The following RYR1 variants were observed in gnomAD, a reference collection of about 807,000 sequenced individuals.
RYR1 encodes the protein ryanodine receptor 1.
Under a neutral mutation model 583.5 loss-of-function variants are expected in RYR1, and 342 were observed. That is an observed-to-expected ratio of 0.59 (90% confidence interval 0.54 to 0.64). The LOEUF (loss-of-function observed/expected upper bound fraction) is 0.64. RYR1 is among the 30% of genes least tolerant of loss of function. The pLI is 0.00. For synonymous variants in RYR1, 2,791 were observed against 2,822.5 expected, an observed-to-expected ratio of 0.99 and a Z score of 0.35; for missense variants, 6,032 against 6,917.2, an observed-to-expected ratio of 0.87 and a Z score of 4.54.
Position 38,483,504 on chromosome 19 carries a change from C to T in RYR1, c.4922C>T (p.Pro1641Leu). The change falls in exon 33 of 106, where the codon CCC becomes CTC. Residue 1641 changes from proline to leucine, a missense_variant. Physicochemically the swap from Pro to Leu is moderately conservative, Grantham distance 98. Around this residue, in one of 11 missense-constraint regions of RYR1, gnomAD observed 2,627 missense variants for 2,961.3 expected, o/e 0.89. Coordinates refer to ENST00000359596, the MANE Select transcript of RYR1 (RefSeq NM_000540.3). This position sits in a 1 kb window ranked among gnomAD's most constrained non-coding sequence, Gnocchi z 6.3. Reference sequence around the variant, plus strand: ...CTGACCATGATGGCGCTGCACATCCCCGAGGAGAACCGGTCAGGGCCAGCC... The same window carrying T: ...CTGACCATGATGGCGCTGCACATCCTCGAGGAGAACCGGTCAGGGCCAGCC... ...EPLTMMALHI[P>L]EENRCMDILE... is the part of the protein sequence containing the mutation. The T allele has an allele frequency of 6.5e-7, 1 of 1,548,984 alleles. No individual in the cohort carries two copies. Among genetic ancestry groups the T allele is most frequent in the Non-Finnish European group, 8.7e-7 (1 of 1,151,086 alleles).
intron 16 of RYR1, among the ~76,000 whole-genome samples, chr19:38,456,860 T>C (rs1161299929): frequency 4.6e-5 from 7 of 150,730 alleles, no homozygotes; most frequent in African/African-American, 4.9e-5. Flanking sequence ...TCCTGGCTAA[T>C]GCGGTGAAAC....
chr19:38,563,154 G>A (rs368596209), intron 90 of RYR1, among the ~76,000 whole-genome samples: 1 of 152,104 alleles, frequency 6.6e-6, no homozygotes. Context: ...CCAAACACCC[G>A]CTTCCTTCTG....
At chr19:38,501,105 A>G (rs1360146473) in intron 47 of RYR1, 115 bp downstream of exon 47, 3 of 923,472 alleles carry the variant, frequency 3.2e-6, no homozygotes, top group Admixed American at 2.0e-5. Context: ...TGGACATATC[A>G]TAATCCCCAA....
intron 37 of RYR1, among the ~76,000 whole-genome samples, chr19:38,490,997 T>A (rs1368450466): frequency 6.6e-6 from 1 of 152,200 alleles, no homozygotes; most frequent in African/African-American, 2.4e-5. Context: ...AAAAAATGGC[T>A]GGCTGGATAG....
chr19:38,455,227 C>G lies in RYR1; in HGVS notation c.1441-8C>G. On this transcript the variant is annotated splice_region_variant and splice_polypyrimidine_tract_variant and intron_variant, in intron 13 of 105. Coordinates refer to ENST00000359596, the MANE Select transcript of RYR1 (RefSeq NM_000540.3). ...CTATTGTGATGCCTCTTATTTTCCTCATCCTAGGGGATGCTCTCCATGGTC... is the reference window on the plus strand; with the variant it reads ...CTATTGTGATGCCTCTTATTTTCCTGATCCTAGGGGATGCTCTCCATGGTC... The G allele has an allele frequency of 6.2e-7, 1 of 1,614,024 alleles. No individual in the cohort carries two copies. Among genetic ancestry groups the G allele is most frequent in the Non-Finnish European group, 8.5e-7 (1 of 1,179,938 alleles).
At chr19:38,529,585 G>A (rs918155903) in intron 76 of RYR1, among the ~76,000 whole-genome samples, 5 of 152,184 alleles carry the variant, frequency 3.3e-5, no homozygotes, top group African/African-American at 7.2e-5. Context: ...TGAGGGGTTC[G>A]TATCACAGAC....
At position 38,502,606 on chromosome 19, in the gene RYR1, A is replaced by G; in HGVS notation, c.7714A>G (p.Thr2572Ala). 3 of 1,612,686 alleles carry G rather than the reference A, an allele frequency of 1.9e-6. No homozygotes were observed. The South Asian group carries it at 3.3e-5, about 18-fold the overall frequency. ...CAAGTGTGCGCCGCTCTTTGCGGGC[A>G]CAGAACACCGCGCCATCATGGTGGA... ...ITKCAPLFAG[T>A]EHRAIMVDSM... The change falls in exon 48 of 106, where the codon ACA becomes GCA. Residue 2572 changes from threonine to alanine, a missense_variant. Around this residue, in one of 11 missense-constraint regions of RYR1, gnomAD observed 250 missense variants for 162.3 expected, o/e 1.54. Coordinates refer to ENST00000359596, the MANE Select transcript of RYR1 (RefSeq NM_000540.3).
intron 1 of RYR1, among the ~76,000 whole-genome samples, chr19:38,436,492 A>T (rs892474230): frequency 6.6e-6 from 1 of 152,168 alleles, no homozygotes; most frequent in Non-Finnish European, 1.5e-5. Context: ...TACAGGCATA[A>T]GCCACCATGC....
chr19:38,470,060 G>A (rs547986144), intron 27 of RYR1, among the ~76,000 whole-genome samples: 133 of 152,132 alleles, frequency 8.7e-4, no homozygotes, highest in Non-Finnish European at 1.3e-3. Context: ...CAGCTACTTA[G>A]GGGGCTGAGG....
At chr19:38,530,934 C>T (rs12459749) in intron 76 of RYR1, among the ~76,000 whole-genome samples, 3,431 of 151,592 alleles carry the variant, frequency 0.023, 95 homozygotes, top group Admixed American at 0.073. Context: ...TTCCGAGTAG[C>T]TGGGATTACA....
At chr19:38,478,844 T>C (rs1017642825) in intron 31 of RYR1, among the ~76,000 whole-genome samples, 1 of 152,230 alleles carries the variant, frequency 6.6e-6, no homozygotes, top group Non-Finnish European at 1.5e-5. Context: ...CTTGGCTCAC[T>C]GCAACCTTCG....
chr19:38,457,975 C>T, intron 17 of RYR1, 76 bp from the exon 18 acceptor site: 4 of 1,486,256 alleles, frequency 2.7e-6, no homozygotes, highest in Non-Finnish European at 3.7e-6. Flanking sequence ...ATGTCTGTCT[C>T]TCTCTGGCTT....
intron 93 of RYR1, among the ~76,000 whole-genome samples, chr19:38,569,498 T>G (rs1430540315): frequency 6.6e-6 from 1 of 151,188 alleles, no homozygotes; most frequent in Non-Finnish European, 1.5e-5. Flanking sequence ...GAGGCAGCAG[T>G]GAGCTATGGT....
chr19:38,485,614 G>T lies in RYR1; in HGVS notation c.4959G>T (p.Ser1653=), dbSNP rs746913426. The change falls in exon 34 of 106, where the codon TCG becomes TCT. Residue 1653 remains serine, a synonymous_variant. Coordinates refer to ENST00000359596, the MANE Select transcript of RYR1 (RefSeq NM_000540.3). ...GGTGCATGGACATCCTGGAGCTGTC[G>T]GAGCGCCTGGACCTGCAGCGCTTCC... The part of the protein sequence containing the change: ...ENRCMDILEL[S]ERLDLQRFHS... 6.2e-7 allele frequency: 1 copy of T among 1,609,672 alleles called. No homozygotes were observed.
intron 72 of RYR1, 48 bp downstream of exon 72, chr19:38,527,100 C>G: frequency 6.3e-7 from 1 of 1,592,236 alleles, no homozygotes; most frequent in Non-Finnish European, 8.6e-7. Flanking sequence ...AGAAAGTAAC[C>G]ACAATATTAG....
intron 42 of RYR1, among the ~76,000 whole-genome samples, chr19:38,497,169 T>C (rs918415461): frequency 6.6e-6 from 1 of 152,128 alleles, no homozygotes; most frequent in Admixed American, 6.5e-5. Context: ...CACTCCACGC[T>C]TCCCGTCTGG....
intron 25 of RYR1, 88 bp downstream of exon 25, chr19:38,467,900 A>G: frequency 7.8e-7 from 1 of 1,281,160 alleles, no homozygotes; most frequent in South Asian, 1.3e-5. Flanking sequence ...TCTGTGCCTC[A>G]CTCTGTCCCC....
chr19:38,514,928 C>T lies in RYR1; in HGVS notation c.9473-98C>T, dbSNP rs990228390. 97 of 793,894 alleles carry T rather than the reference C, an allele frequency of 1.2e-4. 1 individual carries two copies. In the Middle Eastern group the frequency reaches 1.3e-3, roughly 11 times the overall value. 49.2% of individuals were successfully genotyped at this position (793,894 alleles called of 1,614,324 possible). ...AAGGCTGGCTGTACATCTGCTTGCT[C>T]TTCCCCACTGCATGGGCCTATTTGA... On this transcript the variant is annotated intron_variant, in intron 63 of 105. Coordinates refer to ENST00000359596, the MANE Select transcript of RYR1 (RefSeq NM_000540.3).
Position 38,528,342 on chromosome 19 carries a change from C to T in RYR1, c.10861C>T (p.His3621Tyr), listed in dbSNP as rs781014006. The stretch of plus-strand genomic sequence containing the variant: ...TTACAAGTCTAAGAAGGCCGTGTGG[C>T]ACAAGCTTTTGTCCAAACAGCGCCG... Reference protein sequence around the residue: ...HPYKSKKAVWHKLLSKQRRRA... With the variant: ...HPYKSKKAVWYKLLSKQRRRA... The change falls in exon 74 of 106, where the codon CAC becomes TAC. Residue 3621 changes from histidine (H) to tyrosine (Y), a missense_variant. His to Tyr is a moderately conservative substitution (Grantham distance 83). Around this residue, in one of 11 missense-constraint regions of RYR1, gnomAD observed 1,493 missense variants for 1,715.5 expected, o/e 0.87. Transcript: ENST00000359596. 1 of 1,614,052 alleles carries T rather than the reference C, an allele frequency of 6.2e-7. No homozygotes were observed. The highest frequency in any genetic ancestry group is 2.2e-5 in the East Asian group (1 of 44,886).
Sources: allele counts gnomAD v4.1 joint callset (sites outside exome capture counted in the v4.1 genomes callset), GRCh38; gene constraint gnomAD v4.1.1; regional missense constraint gnomAD v4.1.1; non-coding constraint Gnocchi (gnomAD v3.1); transcripts MANE v1.5; gene names NCBI Gene and HGNC (gene_info 2026-07-23, HGNC 2026-07-21).